NOX3: variants seen among roughly 807,000 people sequenced by gnomAD.
NOX3 encodes the protein NADPH oxidase catalytic subunit-like 3.
Under a neutral mutation model 76.7 loss-of-function variants are expected in NOX3, and 74 were observed. That is an observed-to-expected ratio of 0.96 (90% CI 0.80 to 1.17). The LOEUF (loss-of-function observed/expected upper bound fraction) is 1.17, where lower values mean the gene tolerates loss of function less well. NOX3 is among the 50% of genes most tolerant of loss of function. The probability of loss-of-function intolerance (pLI) is 0.00; values close to 1 mark genes in which losing one functional copy is unlikely to be tolerated. For synonymous variants in NOX3, 263 were observed against 261.1 expected (o/e 1.01, Z -0.07); for missense variants, 695 against 703.3 (o/e 0.99, Z 0.13).
chr6:155,396,258 C>T (rs1347385680), intron 13 of NOX3, among the ~76,000 whole-genome samples: 1 of 152,140 alleles, frequency 6.6e-6, no homozygotes, highest in Non-Finnish European at 1.5e-5. Context: ...GGTGATTTCT[C>T]CGGTCTACAG....
intron 11 of NOX3, 25 bp from the exon 12 acceptor site, chr6:155,407,279 T>A: frequency 6.3e-7 from 1 of 1,592,812 alleles, no homozygotes; most frequent in Admixed American, 1.8e-5. Context: ...TGGCATTAGA[T>A]GACATTTAGA....
intron 13 of NOX3, among the ~76,000 whole-genome samples, chr6:155,396,574 G>A (rs1779139887): frequency 6.6e-6 from 1 of 152,168 alleles, no homozygotes; most frequent in African/African-American, 2.4e-5. Flanking sequence ...AAAATTTCAT[G>A]TTATAAGAAA....
At chr6:155,404,773 G>A (rs988395823) in intron 12 of NOX3, among the ~76,000 whole-genome samples, 2 of 152,154 alleles carry the variant, frequency 1.3e-5, no homozygotes, top group African/African-American at 2.4e-5. Context: ...GGTGCAGGGT[G>A]CAGAGAGGGT....
At chr6:155,428,605 T>C (rs1191787459) in intron 9 of NOX3, among the ~76,000 whole-genome samples, 189 bp downstream of exon 9, 1 of 144,656 alleles carries the variant, frequency 6.9e-6, no homozygotes, top group Non-Finnish European at 1.5e-5. Flanking sequence ...TTTTTTTTTT[T>C]ACAGGAACAG....
At chr6:155,443,545 T>G in intron 4 of NOX3, 127 bp from the exon 5 acceptor site, 1 of 1,130,390 alleles carries the variant, frequency 8.8e-7, no homozygotes, top group African/African-American at 1.6e-5. Context: ...GGAAAAGTGA[T>G]GTATTTACAC....
rs187806541 is a variant in NOX3 at position 155,397,736 on chromosome 6, C to A, written c.1581-774G>T. Among the ~76,000 whole-genome samples, 22 of 152,150 alleles carry A rather than the reference C, an allele frequency of 1.4e-4. No homozygotes were observed. The East Asian group carries it at 3.5e-3, about 24-fold the overall frequency. ...ATCACTAATATCCTGTTCAGCCCTG[C>A]CTTTTTATAGATAATAAAATTAATG... is the stretch of plus-strand genomic sequence containing the variant. On this transcript the variant is annotated intron_variant, in intron 12 of 13. Transcript: ENST00000159060.
intron 12 of NOX3, among the ~76,000 whole-genome samples, chr6:155,404,110 A>AATATATAT (rs762930879): frequency 8.4e-5 from 11 of 131,258 alleles, no homozygotes; most frequent in African/African-American, 3.7e-4. Context: ...TTTATCAGTG[A>AATATATAT]ATATATATAT....
rs1002604788 is a variant in NOX3 at position 155,425,181 on chromosome 6, C to A, written c.1146-2325G>T. ...TCTCATCTTTTGCCTTTCTGAGAAG[C>A]ACATTCCAGATCTTTTTCCTTTTTG... is the stretch of plus-strand genomic sequence containing the variant. On this transcript the variant is annotated intron_variant, in intron 9 of 13. Coordinates refer to ENST00000159060, the MANE Select transcript of NOX3 (RefSeq NM_015718.3). Among the ~76,000 whole-genome samples, 17 of 152,304 alleles carry A rather than the reference C, an allele frequency of 1.1e-4. No individual in the cohort carries two copies. The East Asian group carries it at 3.3e-3, about 29-fold the overall frequency.
chr6:155,404,245 T>A (rs922610259), intron 12 of NOX3, among the ~76,000 whole-genome samples: 1 of 152,120 alleles, frequency 6.6e-6, no homozygotes, highest in Non-Finnish European at 1.5e-5. Context: ...GCAGATGAAA[T>A]GATCTCGTCT....
At chr6:155,447,654 G>A (rs1420799292) in intron 4 of NOX3, among the ~76,000 whole-genome samples, 2 of 152,092 alleles carry the variant, frequency 1.3e-5, no homozygotes, top group Non-Finnish European at 2.9e-5. Context: ...CCTTGCTCTC[G>A]CTACCTCCAT....
At position 155,428,922 on chromosome 6, in the gene NOX3, G is replaced by A; in HGVS notation, c.1017C>T (p.Thr339=). Residue 339 remains threonine (T), a synonymous_variant, in exon 9 of 14, where the codon ACC becomes ACT. Transcript: ENST00000159060. The stretch of plus-strand genomic sequence containing the variant: ...AGTCCTCCTGGGGGGCAGAGGTAAG[G>A]GTGAAGGGGTGCCACTCCAGCGAAG... ...AISSLEWHPF[T]LTSAPQEDFF... is the part of the protein sequence containing the mutation. The A allele has an allele frequency of 6.2e-7, 1 of 1,614,006 alleles. No individual in the cohort carries two copies. Among genetic ancestry groups the A allele is most frequent in the South Asian group, 1.1e-5 (1 of 91,066 alleles).
At chr6:155,422,477 T>TA (rs1358637234) in intron 10 of NOX3, among the ~76,000 whole-genome samples, 1 of 152,190 alleles carries the variant, frequency 6.6e-6, no homozygotes, top group East Asian at 1.9e-4. Flanking sequence ...AATGAAGCAA[T>TA]AAAATTTATG....
intron 12 of NOX3, among the ~76,000 whole-genome samples, chr6:155,406,878 G>C (rs890217902): frequency 4.6e-5 from 7 of 152,214 alleles, no homozygotes; most frequent in Non-Finnish European, 7.3e-5. Context: ...AGCATATGTA[G>C]TTGAAGAAAT....
At chr6:155,440,369 T>G (rs1343625649) in intron 5 of NOX3, among the ~76,000 whole-genome samples, 1 of 152,160 alleles carries the variant, frequency 6.6e-6, no homozygotes, top group Non-Finnish European at 1.5e-5. Context: ...CGGTGGTTAC[T>G]TGCTTTGCTA....
intron 10 of NOX3, among the ~76,000 whole-genome samples, chr6:155,414,193 G>A (rs1362063323): frequency 1.3e-5 from 2 of 152,194 alleles, no homozygotes; most frequent in Non-Finnish European, 2.9e-5. Flanking sequence ...AAGAAAGAAA[G>A]GGACTTTGAA....
intron 11 of NOX3, among the ~76,000 whole-genome samples, chr6:155,408,393 AC>A (rs1776492705): frequency 6.6e-6 from 1 of 151,680 alleles, no homozygotes; most frequent in African/African-American, 2.4e-5. Context: ...CATCCCTTAG[AC>A]CCCTATGTGG....
chr6:155,444,063 A>C (rs1562471439), intron 4 of NOX3, among the ~76,000 whole-genome samples: 1 of 152,210 alleles, frequency 6.6e-6, no homozygotes, highest in Non-Finnish European at 1.5e-5. Flanking sequence ...ATGTATGTAT[A>C]TAATGTAAAT....
chr6:155,403,774 G>A (rs1349846272), intron 12 of NOX3, among the ~76,000 whole-genome samples: 1 of 152,132 alleles, frequency 6.6e-6, no homozygotes, highest in East Asian at 1.9e-4. Flanking sequence ...TAATTTTCTA[G>A]GCAGAGTTTG....
chr6:155,450,912 A>T (rs541226545), intron 4 of NOX3, among the ~76,000 whole-genome samples: 1 of 152,304 alleles, frequency 6.6e-6, no homozygotes, highest in South Asian at 2.1e-4. Flanking sequence ...GCAGCAAGTG[A>T]ATAACCCTGT....
Sources: gnomAD v4.1 joint callset for allele counts (sites outside exome capture counted in the v4.1 genomes callset) on GRCh38, gnomAD v4.1.1 for gene constraint, MANE v1.5 for transcripts, NCBI Gene and HGNC (gene_info 2026-07-23, HGNC 2026-07-21) for gene names.